PATJ: variants seen among roughly 807,000 people sequenced by gnomAD.
PATJ encodes PATJ crumbs cell polarity complex component, also known as inaD-like protein.
PATJ carries 190 observed loss-of-function variants against 224.9 expected under a neutral mutation model. That is an observed-to-expected ratio of 0.84 (90% CI 0.75 to 0.95). PATJ has a LOEUF of 0.95. PATJ is among the 40% of genes least tolerant of loss of function. The pLI, the probability that PATJ is intolerant of heterozygous loss-of-function variation, is 0.00. For missense variants in PATJ, 2,121 were observed against 2,270.3 expected, an observed-to-expected ratio of 0.93 and a Z score of 1.34; for synonymous variants, 769 against 820.3, an observed-to-expected ratio of 0.94 and a Z score of 1.07.
chr1:61,827,338 T>G, intron 15 of PATJ, 84 bp from the exon 16 acceptor site: 1 of 1,194,682 alleles, frequency 8.4e-7, no homozygotes, highest in Non-Finnish European at 1.1e-6. Context: ...CCTATTTTCA[T>G]TTTGGTAGAT....
At chr1:61,836,081 G>A (rs1287413146) in intron 17 of PATJ, among the ~76,000 whole-genome samples, 2 of 152,024 alleles carry the variant, frequency 1.3e-5, no homozygotes, top group Admixed American at 1.3e-4. Context: ...TTCAGTAAAG[G>A]ATGGAAAGAA....
intron 39 of PATJ, among the ~76,000 whole-genome samples, chr1:62,126,980 G>C (rs972611153): frequency 3.9e-5 from 6 of 152,098 alleles, no homozygotes; most frequent in Non-Finnish European, 8.8e-5. Context: ...TTTATACATA[G>C]AGATGGAGGC....
intron 27 of PATJ, among the ~76,000 whole-genome samples, chr1:61,985,742 C>T (rs1036822301): frequency 1.2e-4 from 18 of 151,940 alleles, no homozygotes; most frequent in Non-Finnish European, 2.6e-4. Context: ...AATGTTAGTC[C>T]CTTCCTCTAA....
chr1:61,832,839 A>G (rs530690090), intron 16 of PATJ, among the ~76,000 whole-genome samples: 1 of 152,302 alleles, frequency 6.6e-6, no homozygotes, highest in Non-Finnish European at 1.5e-5. Context: ...TAATTAGTAT[A>G]AAAACAGAAG....
intron 27 of PATJ, among the ~76,000 whole-genome samples, chr1:61,932,176 C>A (rs1676129833): frequency 6.6e-6 from 1 of 152,102 alleles, no homozygotes; most frequent in South Asian, 2.1e-4. Context: ...CTGCCTGCCC[C>A]CCCAACACAC....
At chr1:62,089,772 C>T (rs1162803932) in intron 33 of PATJ, among the ~76,000 whole-genome samples, 2 of 151,868 alleles carry the variant, frequency 1.3e-5, no homozygotes, top group African/African-American at 4.8e-5. Context: ...ATCCAGCTAG[C>T]AGAAAGTTAG....
At chr1:61,756,226 A>G (rs888503515) in intron 1 of PATJ, among the ~76,000 whole-genome samples, 2 of 152,186 alleles carry the variant, frequency 1.3e-5, no homozygotes, top group African/African-American at 4.8e-5. Context: ...TACTTGGAGT[A>G]ACTGTGGTCT....
intron 28 of PATJ, among the ~76,000 whole-genome samples, chr1:61,996,549 A>G (rs1274173442): frequency 6.6e-6 from 1 of 152,124 alleles, no homozygotes; most frequent in Non-Finnish European, 1.5e-5. Flanking sequence ...ATTACCATAC[A>G]TGGATGCAAT....
chr1:62,083,860 T>A (rs894000770), intron 32 of PATJ, among the ~76,000 whole-genome samples: 2 of 152,240 alleles, frequency 1.3e-5, no homozygotes, highest in African/African-American at 2.4e-5. Flanking sequence ...AATCTCCTGT[T>A]ATACCAGCCT....
intron 3 of PATJ, among the ~76,000 whole-genome samples, chr1:61,765,065 C>CT (rs1491546787): frequency 2.9e-4 from 5 of 17,008 alleles, no homozygotes; most frequent in Admixed American, 8.6e-4. Context: ...TATTGACATT[C>CT]ATTTTTTTTT....
intron 17 of PATJ, among the ~76,000 whole-genome samples, chr1:61,836,766 A>C (rs925376818): frequency 2.0e-5 from 3 of 152,232 alleles, no homozygotes; most frequent in African/African-American, 7.2e-5. Flanking sequence ...GGTTTAGCAA[A>C]AGCCATGAAA....
chr1:61,862,375 T>A (rs1664751153), intron 19 of PATJ, among the ~76,000 whole-genome samples: 1 of 152,008 alleles, frequency 6.6e-6, no homozygotes. Context: ...TTTTGTGTTT[T>A]TAGTAGAGAC....
At chr1:61,995,603 C>T (rs993147649) in intron 28 of PATJ, among the ~76,000 whole-genome samples, 3 of 152,194 alleles carry the variant, frequency 2.0e-5, no homozygotes, top group African/African-American at 7.2e-5. Flanking sequence ...TCAGCAAATT[C>T]TGTCCATCAA....
At chr1:61,833,595 A>G in intron 16 of PATJ, 59 bp from the exon 17 acceptor site, 1 of 1,510,990 alleles carries the variant, frequency 6.6e-7, no homozygotes, top group South Asian at 1.3e-5. Context: ...TGATGTGTGC[A>G]TTCTTTTCAG....
At chr1:61,993,925 G>A (rs1458292638) in intron 28 of PATJ, among the ~76,000 whole-genome samples, 1 of 152,012 alleles carries the variant, frequency 6.6e-6, no homozygotes, top group Non-Finnish European at 1.5e-5. Flanking sequence ...GCTTTCCTTT[G>A]ACTTTCGGAA....
chr1:62,031,298 T>C (rs1369572408), intron 29 of PATJ, among the ~76,000 whole-genome samples: 1 of 152,196 alleles, frequency 6.6e-6, no homozygotes, highest in South Asian at 2.1e-4. Context: ...CTAGAGGATT[T>C]ATGAACAGCC....
At chr1:61,767,037 G>A (rs1400267378) in intron 4 of PATJ, among the ~76,000 whole-genome samples, 1 of 152,154 alleles carries the variant, frequency 6.6e-6, no homozygotes, top group Non-Finnish European at 1.5e-5. Context: ...AGGTTGCAGT[G>A]AGCCGAGATT....
intron 27 of PATJ, among the ~76,000 whole-genome samples, chr1:61,942,363 A>G (rs1484821808): frequency 6.6e-6 from 1 of 152,210 alleles, no homozygotes; most frequent in Non-Finnish European, 1.5e-5. Flanking sequence ...ATACTTCACC[A>G]AAGACATCTG....
chr1:61,938,511 A>G (rs1262599345), intron 27 of PATJ, among the ~76,000 whole-genome samples: 2 of 152,152 alleles, frequency 1.3e-5, no homozygotes, highest in African/African-American at 2.4e-5. Context: ...CAATCTGCAC[A>G]TGTACCCCCT....
Sources: allele counts gnomAD v4.1 joint callset (sites outside exome capture counted in the v4.1 genomes callset), GRCh38; gene constraint gnomAD v4.1.1; transcripts MANE v1.5; gene names NCBI Gene and HGNC (gene_info 2026-07-23, HGNC 2026-07-21).